MAPK10: variants seen among roughly 807,000 people sequenced by gnomAD.
MAPK10 encodes mitogen-activated protein kinase 10.
A neutral mutation model predicts 59.3 loss-of-function variants in MAPK10; 25 were observed. The observed-to-expected ratio is 0.42, with a 90% CI of 0.31 to 0.59. The LOEUF (loss-of-function observed/expected upper bound fraction) is 0.59, where lower values mean the gene tolerates loss of function less well. MAPK10 is among the 20% of genes least tolerant of loss of function. MAPK10 has a pLI of 0.15. For synonymous variants in MAPK10, 190 were observed against 200.5 expected (o/e 0.95, Z 0.44); for missense variants, 351 against 568.9 (o/e 0.62, Z 3.90).
At chr4:86,388,335 C>G (rs1294406063) in intron 1 of MAPK10, among the ~76,000 whole-genome samples, 1 of 152,040 alleles carries the variant, frequency 6.6e-6, no homozygotes, top group East Asian at 1.9e-4. Flanking sequence ...ATAGTTGTGA[C>G]TAAGGATATA....
chr4:86,318,769 A>C (rs1225560213), intron 2 of MAPK10, among the ~76,000 whole-genome samples: 1 of 152,204 alleles, frequency 6.6e-6, no homozygotes, highest in African/African-American at 2.4e-5. Context: ...AGACATTTAC[A>C]TAAATTAATA....
At chr4:86,386,664 C>A (rs1318883766) in intron 1 of MAPK10, among the ~76,000 whole-genome samples, 1 of 151,986 alleles carries the variant, frequency 6.6e-6, no homozygotes, top group African/African-American at 2.4e-5. Flanking sequence ...AACTCTAACA[C>A]ATAACACAAT....
intron 2 of MAPK10, among the ~76,000 whole-genome samples, chr4:86,321,669 G>A (rs1261409620): frequency 6.6e-6 from 1 of 151,166 alleles, no homozygotes; most frequent in African/African-American, 2.4e-5. Flanking sequence ...ACACCAGCAT[G>A]GCACATGTAT....
chr4:86,305,606 G>T lies in MAPK10; in HGVS notation c.-7+48924C>A, dbSNP rs552040939. Among the ~76,000 whole-genome samples, 5 of 152,138 alleles carry T rather than the reference G, an allele frequency of 3.3e-5. No homozygotes were observed. In the South Asian group the frequency reaches 1.0e-3, roughly 32 times the overall value. Reference sequence around the variant, plus strand: ...GGCTAAGGTGGGGGAATCACCTGAGGTCAGGAGTTCAAGACCAGCATGGCC... The same window carrying T: ...GGCTAAGGTGGGGGAATCACCTGAGTTCAGGAGTTCAAGACCAGCATGGCC... On this transcript the variant is annotated intron_variant, in intron 2 of 13. Coordinates refer to ENST00000641462, the MANE Select transcript of MAPK10 (RefSeq NM_138982.4).
intron 1 of MAPK10, among the ~76,000 whole-genome samples, chr4:86,527,449 A>G (rs1757549658): frequency 1.3e-5 from 2 of 152,186 alleles, no homozygotes; most frequent in Non-Finnish European, 2.9e-5. Flanking sequence ...GCAAATCAAA[A>G]CTACAATGAG....
At chr4:86,426,726 G>A (rs1579176019) in intron 1 of MAPK10, among the ~76,000 whole-genome samples, 1 of 152,050 alleles carries the variant, frequency 6.6e-6, no homozygotes, top group Non-Finnish European at 1.5e-5. Context: ...TCCTGGAATC[G>A]GATAGCTCTT....
chr4:86,465,814 C>G (rs1162525336), intron 1 of MAPK10, among the ~76,000 whole-genome samples: 1 of 152,170 alleles, frequency 6.6e-6, no homozygotes, highest in Non-Finnish European at 1.5e-5. Context: ...GAGACTGACA[C>G]TGAGAAGGAC....
At chr4:86,212,263 C>T (rs577534876) in intron 2 of MAPK10, among the ~76,000 whole-genome samples, 60 of 152,016 alleles carry the variant, frequency 3.9e-4, no homozygotes, top group African/African-American at 1.4e-3. Flanking sequence ...TATATTTGTG[C>T]ATCTAGCACT....
chr4:86,573,045 T>C (rs532405761), intron 1 of MAPK10, among the ~76,000 whole-genome samples: 44 of 152,360 alleles, frequency 2.9e-4, no homozygotes, highest in African/African-American at 9.6e-4. Context: ...TAATCAGATA[T>C]ATCCTTCACA....
intron 11 of MAPK10, among the ~76,000 whole-genome samples, chr4:86,059,848 T>C (rs886907625): frequency 6.6e-6 from 1 of 152,090 alleles, no homozygotes; most frequent in Non-Finnish European, 1.5e-5. Flanking sequence ...AGCATTCTCT[T>C]CTGGAACTTT....
At chr4:86,466,684 C>CT (rs1019759740) in intron 1 of MAPK10, among the ~76,000 whole-genome samples, 2 of 152,250 alleles carry the variant, frequency 1.3e-5, no homozygotes, top group African/African-American at 2.4e-5. Context: ...GTAGGAGAAT[C>CT]TTTTTTATGG....
intron 11 of MAPK10, among the ~76,000 whole-genome samples, chr4:86,047,305 A>G (rs1166193237): frequency 6.6e-6 from 1 of 152,132 alleles, no homozygotes; most frequent in Non-Finnish European, 1.5e-5. Context: ...ACATTTGAGC[A>G]GAGATTTGAA....
intron 2 of MAPK10, among the ~76,000 whole-genome samples, chr4:86,324,446 C>T (rs2095975583): frequency 1.3e-5 from 2 of 152,068 alleles, no homozygotes; most frequent in South Asian, 4.2e-4. Context: ...GATCTGTAAT[C>T]TGTTTTCAGG....
intron 9 of MAPK10, among the ~76,000 whole-genome samples, chr4:86,083,470 T>G (rs1561477899): frequency 6.6e-6 from 1 of 152,098 alleles, no homozygotes; most frequent in South Asian, 2.1e-4. Context: ...AGCTGACACC[T>G]GCCCACGGAA....
chr4:86,309,562 T>C (rs1261064111), intron 2 of MAPK10, among the ~76,000 whole-genome samples: 1 of 152,178 alleles, frequency 6.6e-6, no homozygotes, highest in Admixed American at 6.5e-5. Context: ...GCTTTTTCCA[T>C]TTCTGGCTAT....
At position 86,513,797 on chromosome 4, in the gene MAPK10, T is replaced by G. The variant is rs1002822748; in HGVS notation, c.-263+80113A>C. ...AGTATGACTCCTGATAGAATAATAC[T>G]GGCCACGCACTTTGAGATGATAACA... On this transcript the variant is annotated intron_variant, in intron 1 of 4. Transcript: ENST00000502302. Among the ~76,000 whole-genome samples the G allele has an allele frequency of 2.0e-5, 3 of 152,196 alleles. No homozygotes were observed. The East Asian group carries it at 5.8e-4, about 29-fold the overall frequency.
At chr4:86,517,377 G>A (rs1013864259) in intron 1 of MAPK10, among the ~76,000 whole-genome samples, 1 of 144,310 alleles carries the variant, frequency 6.9e-6, no homozygotes, top group Non-Finnish European at 1.5e-5. Context: ...CCGGGTTCAC[G>A]CCATTCTCCT....
At chr4:86,491,877 A>G (rs1754480342) in intron 1 of MAPK10, among the ~76,000 whole-genome samples, 1 of 152,154 alleles carries the variant, frequency 6.6e-6, no homozygotes, top group African/African-American at 2.4e-5. Flanking sequence ...TTTAGCTTAC[A>G]TAAAGGCTAG....
chr4:86,459,332 GA>G (rs772417339), intron 1 of MAPK10, among the ~76,000 whole-genome samples: 1 of 152,090 alleles, frequency 6.6e-6, no homozygotes, highest in Non-Finnish European at 1.5e-5. Context: ...AAACCACTAT[GA>G]AAAAAAGTGT....
Sources: gnomAD v4.1 joint callset for allele counts (sites outside exome capture counted in the v4.1 genomes callset) on GRCh38, gnomAD v4.1.1 for gene constraint, MANE v1.5 for transcripts, NCBI Gene and HGNC (gene_info 2026-07-23, HGNC 2026-07-21) for gene names.